The following KLRB1 variants were observed in gnomAD, a reference collection of about 807,000 sequenced individuals.
KLRB1 encodes the protein killer cell lectin like receptor B1.
In KLRB1, 27 loss-of-function variants were observed where a neutral mutation model predicts 33.5. That is an observed-to-expected ratio of 0.81 (90% confidence interval 0.59 to 1.11). The LOEUF (loss-of-function observed/expected upper bound fraction) is 1.11, where lower values mean the gene tolerates loss of function less well. Among genes scored for constraint, KLRB1 ranks in the 50% most tolerant of loss-of-function variants. The pLI, the probability that KLRB1 is intolerant of heterozygous loss-of-function variation, is 0.00. For synonymous variants in KLRB1, 64 were observed against 88.9 expected (o/e 0.72, Z 1.58); for missense variants, 241 against 254.1 (o/e 0.95, Z 0.35).
chr12:9,600,312 A>G (rs1400114673), intron 2 of KLRB1, among the ~76,000 whole-genome samples: 1 of 152,182 alleles, frequency 6.6e-6, no homozygotes, highest in Non-Finnish European at 1.5e-5. Flanking sequence ...CCACATATAT[A>G]ATACCCCGTG....
chr12:9,607,260 TTCTTTCCTTTCCTTTCTCTC>T (rs1431103583), intron 1 of KLRB1, among the ~76,000 whole-genome samples: 6 of 133,466 alleles, frequency 4.5e-5, no homozygotes, highest in African/African-American at 1.0e-4. Context: ...CTCTTTTTCT[TTCTTTCCTTTCCTTTCTCTC>T]TCTTTCTTTT....
At chr12:9,606,754 A>ATTTTTTTTTTTT (rs1414913660) in intron 1 of KLRB1, among the ~76,000 whole-genome samples, 6 of 25,420 alleles carry the variant, frequency 2.4e-4, no homozygotes, top group Non-Finnish European at 4.4e-4. Context: ...ATATATATAT[A>ATTTTTTTTTTTT]TATATATTTT....
intron 1 of KLRB1, among the ~76,000 whole-genome samples, chr12:9,607,405 T>TTTCTTTCTTTCTTTC (rs1565444748): frequency 5.8e-4 from 28 of 47,986 alleles, no homozygotes; most frequent in Middle Eastern, 8.6e-3. Context: ...TCTTTCTTTC[T>TTTCTTTCTTTCTTTC]TTTCTTTCTT....
rs1864615081 is a variant in KLRB1 at position 9,607,200 on chromosome 12, A to G, written c.85+555T>C. On this transcript the variant is annotated intron_variant, in intron 1 of 5. Transcript: ENST00000229402. Reference sequence around the variant, plus strand: ...GTCTTAAATATTCCTTAGTTCATACATGTAAAATATTTTTCCTTCCTTCCT... The same window carrying G: ...GTCTTAAATATTCCTTAGTTCATACGTGTAAAATATTTTTCCTTCCTTCCT... Among the ~76,000 whole-genome samples the G allele has an allele frequency of 2.6e-5, 4 of 151,938 alleles. No homozygotes were observed. In the South Asian group the frequency reaches 8.3e-4, roughly 31 times the overall value.
In KLRB1 at chr12:9,599,518, T is replaced by C. The variant is rs565388275; in HGVS notation, c.259+249A>G. 2.4e-4 allele frequency among the ~76,000 whole-genome samples: 36 copies of C among 152,364 alleles called. No homozygotes were observed. In the South Asian group the frequency reaches 4.8e-3, roughly 20 times the overall value. On this transcript the variant is annotated intron_variant, in intron 3 of 5. Coordinates refer to ENST00000229402, the MANE Select transcript of KLRB1 (RefSeq NM_002258.3). ...AGCAGAGGCTCCTCATGAGGCAGCA[T>C]GCCTTGCTGGTTAAAACCTTAGGCT...
At chr12:9,600,875 C>T (rs1380198372) in intron 2 of KLRB1, among the ~76,000 whole-genome samples, 2 of 151,776 alleles carry the variant, frequency 1.3e-5, no homozygotes, top group South Asian at 2.1e-4. Flanking sequence ...TCCCCCAGCC[C>T]GACACCCGTA....
rs778069337 is a variant in KLRB1 at position 9,601,004 on chromosome 12, C to T, written c.184+497G>A. ...GCAATGGAATGTCTCGGTATAAAAC[C>T]CGATTGTATGCTCCATCTACTGAGA... On this transcript the variant is annotated intron_variant, in intron 2 of 5. Transcript: ENST00000229402. 2.8e-5 allele frequency among the ~76,000 whole-genome samples: 4 copies of T among 143,310 alleles called. No individual in the cohort carries two copies. In the South Asian group the frequency reaches 1.0e-3, roughly 37 times the overall value. The allele number at this position is 143,310 out of a possible 152,430, so 94.0% of individuals were successfully genotyped here.
intron 1 of KLRB1, among the ~76,000 whole-genome samples, chr12:9,606,760 A>ATTTTTTTTTT (rs1185510083): frequency 1.1e-4 from 7 of 63,744 alleles, no homozygotes; most frequent in Non-Finnish European, 1.1e-4. Flanking sequence ...ATATATATAT[A>ATTTTTTTTTT]TTTTTTTTTT....
chr12:9,595,210 T>TA lies in KLRB1; in HGVS notation c.*63dup. On this transcript the variant is annotated 3_prime_UTR_variant, in exon 6 of 6. Transcript: ENST00000229402. ...TGGCACTATTAGGTAGTACCAATAG[T>TA]ATGTGCAGCTACAAGTACAGAGATC... The TA allele has an allele frequency of 7.0e-7, 1 of 1,421,232 alleles. No homozygotes were observed. The highest frequency in any genetic ancestry group is 9.9e-7 in the Non-Finnish European group (1 of 1,011,348). 88.0% of individuals were successfully genotyped at this position (1,421,232 alleles called of 1,614,324 possible).
chr12:9,598,269 G>A (rs745614802), intron 4 of KLRB1, 108 bp from the exon 5 acceptor site: 21 of 793,024 alleles, frequency 2.6e-5, no homozygotes, highest in Admixed American at 9.9e-5. Flanking sequence ...CTAACTCGTC[G>A]TCAGCATTAA....
intron 2 of KLRB1, among the ~76,000 whole-genome samples, chr12:9,600,084 A>G (rs1163967809): frequency 2.0e-5 from 3 of 152,276 alleles, no homozygotes; most frequent in Non-Finnish European, 2.9e-5. Context: ...TGTATCTACT[A>G]GGTAAGTCAA....
intron 2 of KLRB1, among the ~76,000 whole-genome samples, chr12:9,600,355 G>A (rs370960491): frequency 6.8e-4 from 103 of 152,214 alleles, no homozygotes; most frequent in Middle Eastern, 6.8e-3. Flanking sequence ...AGACAAATAT[G>A]AAAGGCTGGT....
intron 1 of KLRB1, among the ~76,000 whole-genome samples, chr12:9,602,820 C>T (rs1016923729): frequency 6.6e-6 from 1 of 151,778 alleles, no homozygotes; most frequent in African/African-American, 2.4e-5. Context: ...ATAATATTAT[C>T]CTTTAGTCTC....
At chr12:9,607,327 C>T (rs1347446289) in intron 1 of KLRB1, among the ~76,000 whole-genome samples, 1 of 44,014 alleles carries the variant, frequency 2.3e-5, no homozygotes, top group Non-Finnish European at 5.4e-5. Context: ...TTTTCTTTCT[C>T]TTTCTTTCCT....
At chr12:9,597,339 G>A (rs891976343) in intron 5 of KLRB1, among the ~76,000 whole-genome samples, 1 of 151,992 alleles carries the variant, frequency 6.6e-6, no homozygotes, top group Non-Finnish European at 1.5e-5. Context: ...ATACATTTTC[G>A]CTTGTGAGGG....
At chr12:9,605,699 A>T (rs1266672321) in intron 1 of KLRB1, among the ~76,000 whole-genome samples, 1 of 152,226 alleles carries the variant, frequency 6.6e-6, no homozygotes, top group Admixed American at 6.5e-5. Flanking sequence ...CTACAGAGTG[A>T]CCACAGCCTC....
intron 5 of KLRB1, among the ~76,000 whole-genome samples, chr12:9,596,181 C>T (rs576596569): frequency 1.1e-3 from 170 of 152,246 alleles, no homozygotes; most frequent in Non-Finnish European, 1.7e-3. Context: ...TGCTGGGCTC[C>T]ATCACAGCTT....
chr12:9,599,951 G>A, intron 2 of KLRB1, 110 bp from the exon 3 acceptor site: 1 of 623,738 alleles, frequency 1.6e-6, no homozygotes. Flanking sequence ...CTTGAATATG[G>A]ACAGAAAATA....
intron 3 of KLRB1, among the ~76,000 whole-genome samples, chr12:9,598,997 C>T (rs1424300770): frequency 6.6e-6 from 1 of 152,210 alleles, no homozygotes; most frequent in Non-Finnish European, 1.5e-5. Context: ...ATATTTCCCA[C>T]TACTTCTCAG....
Sources: allele counts gnomAD v4.1 joint callset (sites outside exome capture counted in the v4.1 genomes callset), GRCh38; gene constraint gnomAD v4.1.1; transcripts MANE v1.5; gene names NCBI Gene and HGNC (gene_info 2026-07-23, HGNC 2026-07-21).